Variants in TCF20 observed in about 807,000 individuals in gnomAD.
TCF20 encodes transcription factor 20, also known as SPRE-binding protein.
Under a neutral mutation model 148.6 loss-of-function variants are expected in TCF20, and 3 were observed. The observed-to-expected ratio is 0.02, with a 90% CI of 0.01 to 0.05. The LOEUF (loss-of-function observed/expected upper bound fraction) is 0.05. Ranked by LOEUF, TCF20 falls within the 10% of genes least tolerant of loss-of-function variation. The pLI, the probability that TCF20 is intolerant of heterozygous loss-of-function variation, is 1.00. For missense variants in TCF20, 2,350 were observed against 2,429.3 expected, an observed-to-expected ratio of 0.97 and a Z score of 0.69; for synonymous variants, 1,049 against 909.5, an observed-to-expected ratio of 1.15 and a Z score of -2.76.
Position 42,311,541 on chromosome 22 carries a change from G to A in TCF20, c.-37+31938C>T, listed in dbSNP as rs1394751120. 1.3e-5 allele frequency among the ~76,000 whole-genome samples: 2 copies of A among 152,208 alleles called. 1 individual carries two copies. The highest frequency in any genetic ancestry group is 3.9e-4 in the East Asian group (2 of 5,188). On this transcript the variant is annotated intron_variant, in intron 1 of 1. Transcript: ENST00000515426. ...CCAGAGGGGCTGACCTTGGTGCCCT[G>A]CAGGGGCCACACCACCATCATACAC...
At chr22:42,219,103 G>C (rs763936766) in intron 1 of TCF20, among the ~76,000 whole-genome samples, 16 of 151,780 alleles carry the variant, frequency 1.1e-4, no homozygotes, top group Non-Finnish European at 2.1e-4. Flanking sequence ...TAAGTAATAG[G>C]CTGGGTGTGG....
At chr22:42,264,933 A>G (rs1331916896) in intron 1 of TCF20, among the ~76,000 whole-genome samples, 1 of 152,250 alleles carries the variant, frequency 6.6e-6, no homozygotes, top group Non-Finnish European at 1.5e-5. Flanking sequence ...AATCATACTG[A>G]TATCAAATGT....
rs1288954312 is a variant in TCF20, at chr22:42,209,779, G to A, written c.5527C>T (p.Pro1843Ser). The change falls in exon 2 of 6, where the codon CCT (proline) becomes TCT (serine). Residue 1843 changes from proline to serine, a missense_variant. This residue lies in a region of TCF20 where 374 missense variants were observed against 398.3 expected (regional missense o/e 0.94). Transcript: ENST00000677622. ...TCATTGCTGTCAAGAGGTAGTTCAG[G>A]GATTTGTAACTCCAGCTCAGGGCCA... ...EGGPELELQI[P>S]ELPLDSNEFW... 1.2e-6 allele frequency: 2 copies of A among 1,614,044 alleles called. No individual in the cohort carries two copies. The highest frequency in any genetic ancestry group is 8.5e-7 in the Non-Finnish European group (1 of 1,180,050).
intron 1 of TCF20, among the ~76,000 whole-genome samples, chr22:42,308,234 G>A (rs973360823): frequency 2.6e-5 from 4 of 152,150 alleles, no homozygotes; most frequent in Admixed American, 2.0e-4. Context: ...AGTGAGGCGG[G>A]GGACCCACCT....
chr22:42,241,406 G>T (rs1468888668), intron 1 of TCF20, among the ~76,000 whole-genome samples: 1 of 152,138 alleles, frequency 6.6e-6, no homozygotes, highest in Non-Finnish European at 1.5e-5. Context: ...GGAAATAAAA[G>T]CGAAGTTTGA....
intron 1 of TCF20, among the ~76,000 whole-genome samples, chr22:42,258,360 T>TC (rs1925855013): frequency 6.6e-6 from 1 of 152,092 alleles, no homozygotes; most frequent in Non-Finnish European, 1.5e-5. Context: ...CACACACCTC[T>TC]GCTCGCACCT....
At chr22:42,234,630 C>G (rs1923715655) in intron 1 of TCF20, among the ~76,000 whole-genome samples, 2 of 152,164 alleles carry the variant, frequency 1.3e-5, no homozygotes, top group Admixed American at 1.3e-4. Context: ...GCTAAAAGTC[C>G]TTCTGAAGAT....
chr22:42,204,602 TG>T (rs1230760987), intron 2 of TCF20, among the ~76,000 whole-genome samples: 2 of 152,202 alleles, frequency 1.3e-5, no homozygotes, highest in African/African-American at 4.8e-5. Flanking sequence ...CCCAGCACTT[TG>T]GGTGGCTGAG....
chr22:42,219,115 G>A (rs1397655052), intron 1 of TCF20, among the ~76,000 whole-genome samples: 6 of 151,788 alleles, frequency 4.0e-5, no homozygotes, highest in African/African-American at 1.5e-4. Flanking sequence ...TGGGTGTGGT[G>A]GCTCACACCT....
chr22:42,261,880 A>G (rs1438247188), intron 1 of TCF20, among the ~76,000 whole-genome samples: 1 of 152,188 alleles, frequency 6.6e-6, no homozygotes, highest in Non-Finnish European at 1.5e-5. Flanking sequence ...AATCCCAGCT[A>G]GTCGGGAGGC....
intron 1 of TCF20, among the ~76,000 whole-genome samples, chr22:42,266,779 A>G (rs984125821): frequency 6.6e-6 from 1 of 152,204 alleles, no homozygotes; most frequent in African/African-American, 2.4e-5. Flanking sequence ...ACTCCGTCTC[A>G]AAACAAACAA....
intron 4 of TCF20, among the ~76,000 whole-genome samples, chr22:42,169,523 G>A (rs1229760368): frequency 6.6e-6 from 1 of 152,198 alleles, no homozygotes; most frequent in East Asian, 1.9e-4. Flanking sequence ...CTGTGAATTG[G>A]GGTTCTATTC....
chr22:42,272,729 T>C (rs968235353), upstream of TCF20, among the ~76,000 whole-genome samples: 6 of 152,214 alleles, frequency 3.9e-5, no homozygotes, highest in Non-Finnish European at 7.3e-5. Flanking sequence ...AGCCTGCCAC[T>C]TTCTCTTTTG....
chr22:42,227,712 C>A (rs5758660), intron 1 of TCF20, among the ~76,000 whole-genome samples: 53,286 of 152,128 alleles, frequency 0.35, 10,962 homozygotes, highest in South Asian at 0.47. Flanking sequence ...TGCCAGAGTA[C>A]AGTCTTTTCA....
At chr22:42,340,244 G>A (rs969333335) in intron 1 of TCF20, among the ~76,000 whole-genome samples, 2 of 152,216 alleles carry the variant, frequency 1.3e-5, no homozygotes, top group African/African-American at 2.4e-5. Flanking sequence ...TCCCCAGGGG[G>A]ACTGTCAGAG....
chr22:42,250,440 C>A (rs555546372), intron 1 of TCF20, among the ~76,000 whole-genome samples: 39 of 123,528 alleles, frequency 3.2e-4, no homozygotes, highest in Non-Finnish European at 5.7e-4. Context: ...CAGTGAAACT[C>A]CATCTCAAAA....
At chr22:42,241,608 C>T (rs1395061084) in intron 1 of TCF20, among the ~76,000 whole-genome samples, 1 of 152,106 alleles carries the variant, frequency 6.6e-6, no homozygotes, top group African/African-American at 2.4e-5. Context: ...AGGTGGCTCA[C>T]TTGAGGCCAG....
intron 1 of TCF20, among the ~76,000 whole-genome samples, chr22:42,241,968 T>C (rs1436800224): frequency 1.3e-5 from 2 of 151,884 alleles, no homozygotes; most frequent in African/African-American, 4.8e-5. Context: ...TTTAGGAGGC[T>C]TAGGCGGGCA....
chr22:42,252,402 C>T (rs5751255), intron 1 of TCF20, among the ~76,000 whole-genome samples: 52,867 of 152,042 alleles, frequency 0.35, 10,945 homozygotes, highest in South Asian at 0.47. Context: ...ACATAAACTT[C>T]GGTAATATTT....
Sources: gnomAD v4.1 joint callset for allele counts (sites outside exome capture counted in the v4.1 genomes callset) on GRCh38, gnomAD v4.1.1 for gene constraint, gnomAD v4.1.1 regional missense constraint, MANE v1.5 for transcripts, NCBI Gene and HGNC (gene_info 2026-07-23, HGNC 2026-07-21) for gene names.